NALF1: variants seen among roughly 807,000 people sequenced by gnomAD.
NALF1 encodes NALCN channel auxiliary factor 1, also known as family with sequence similarity 155 member A.
A neutral mutation model predicts 48.4 loss-of-function variants in NALF1; 3 were observed. That is an observed-to-expected ratio of 0.06 (90% confidence interval 0.03 to 0.16). The LOEUF (loss-of-function observed/expected upper bound fraction) is 0.16. Among genes scored for constraint, NALF1 ranks in the 10% least tolerant of loss-of-function variants. The pLI is 1.00. For synonymous variants in NALF1, 262 were observed against 245.7 expected (o/e 1.07, Z -0.62); for missense variants, 526 against 571.5 (o/e 0.92, Z 0.81).
chr13:107,200,879 C>T (rs1239158963), intron 2 of NALF1, among the ~76,000 whole-genome samples: 1 of 152,126 alleles, frequency 6.6e-6, no homozygotes, highest in Non-Finnish European at 1.5e-5. Context: ...GACTTTAGTG[C>T]GGCCACAGGA....
chr13:107,542,586 T>C (rs1248563601), intron 1 of NALF1, among the ~76,000 whole-genome samples: 1 of 152,134 alleles, frequency 6.6e-6, no homozygotes, highest in Non-Finnish European at 1.5e-5. Context: ...CAGACATCAA[T>C]ATCAGTATCT....
chr13:107,658,456 T>C (rs1880641720), intron 1 of NALF1, among the ~76,000 whole-genome samples: 1 of 152,058 alleles, frequency 6.6e-6, no homozygotes. Flanking sequence ...GTATCAATTA[T>C]CAACACTCTG....
chr13:107,671,144 A>C (rs1219334595), intron 1 of NALF1, among the ~76,000 whole-genome samples: 1 of 152,178 alleles, frequency 6.6e-6, no homozygotes, highest in Non-Finnish European at 1.5e-5. Flanking sequence ...ATTTAAAACA[A>C]TGAATAATAA....
chr13:107,419,834 T>C (rs1031580427), intron 1 of NALF1, among the ~76,000 whole-genome samples: 9 of 152,224 alleles, frequency 5.9e-5, no homozygotes, highest in Non-Finnish European at 8.8e-5. Context: ...GTTTTTGTTT[T>C]TATCTGCAAG....
chr13:107,204,441 G>A (rs1879592972), intron 2 of NALF1, among the ~76,000 whole-genome samples: 1 of 149,678 alleles, frequency 6.7e-6, no homozygotes, highest in South Asian at 2.1e-4. Flanking sequence ...CAGTGGGGGC[G>A]ATTTTCCAAA....
intron 1 of NALF1, among the ~76,000 whole-genome samples, chr13:107,554,081 G>T (rs755164173): frequency 6.6e-6 from 1 of 152,178 alleles, no homozygotes; most frequent in Non-Finnish European, 1.5e-5. Context: ...GTGAGCTCAT[G>T]CAGCTGTATG....
intron 1 of NALF1, among the ~76,000 whole-genome samples, chr13:107,579,504 A>G (rs1262872019): frequency 6.6e-6 from 1 of 152,176 alleles, no homozygotes; most frequent in East Asian, 1.9e-4. Flanking sequence ...CTCTGTTGTG[A>G]GAATCCAGGC....
intron 1 of NALF1, among the ~76,000 whole-genome samples, chr13:107,618,138 A>T (rs912893734): frequency 6.6e-6 from 1 of 152,198 alleles, no homozygotes; most frequent in East Asian, 1.9e-4. Context: ...AAAATAAAAT[A>T]AGGTCGAAAG....
intron 1 of NALF1, among the ~76,000 whole-genome samples, chr13:107,750,699 A>G (rs905260493): frequency 6.6e-6 from 1 of 152,356 alleles, no homozygotes; most frequent in Admixed American, 6.5e-5. Flanking sequence ...AGTGAAGAGT[A>G]GCAGATGCTA....
Position 107,470,361 on chromosome 13 carries a change from C to T in NALF1, c.916-259606G>A, listed in dbSNP as rs961219036. On this transcript the variant is annotated intron_variant, in intron 1 of 2. Coordinates refer to ENST00000375915, the MANE Select transcript of NALF1 (RefSeq NM_001080396.3). ...ACATTCTTTTATCTTTCAGGCAGAA[C>T]ATAAGTCTCATCTATGCATGCAGAT... is the stretch of plus-strand genomic sequence containing the variant. 5.3e-5 allele frequency among the ~76,000 whole-genome samples: 8 copies of T among 152,164 alleles called. No homozygotes were observed. In the East Asian group the frequency reaches 1.3e-3, roughly 26 times the overall value.
At chr13:107,413,230 T>C (rs1012279201) in intron 1 of NALF1, among the ~76,000 whole-genome samples, 21 of 152,208 alleles carry the variant, frequency 1.4e-4, no homozygotes, top group East Asian at 5.8e-4. Context: ...GTTTATGTAC[T>C]AATATAATAT....
chr13:107,334,322 G>T (rs149371620), intron 1 of NALF1, among the ~76,000 whole-genome samples: 1 of 152,280 alleles, frequency 6.6e-6, no homozygotes, highest in East Asian at 1.9e-4. Context: ...TGCTCTTTTA[G>T]TTGAGAACAT....
intron 1 of NALF1, among the ~76,000 whole-genome samples, chr13:107,597,271 T>TAC (rs151310142): frequency 6.6e-6 from 1 of 151,664 alleles, no homozygotes; most frequent in African/African-American, 2.4e-5. Context: ...ATAATGCACA[T>TAC]ACACACACAC....
chr13:107,510,134 T>C (rs1314102089), intron 1 of NALF1, among the ~76,000 whole-genome samples: 1 of 152,168 alleles, frequency 6.6e-6, no homozygotes, highest in Non-Finnish European at 1.5e-5. Flanking sequence ...ATTTTCCTTT[T>C]ATAAAATCCA....
At chr13:107,393,590 T>G (rs563199173) in intron 1 of NALF1, among the ~76,000 whole-genome samples, 4 of 152,156 alleles carry the variant, frequency 2.6e-5, no homozygotes, top group African/African-American at 9.6e-5. Context: ...GGCCCGCCCA[T>G]AGGTTTCTCC....
At chr13:107,210,849 A>C (rs887143138) in intron 1 of NALF1, 94 bp from the exon 2 acceptor site, 1 of 821,650 alleles carries the variant, frequency 1.2e-6, no homozygotes, top group South Asian at 1.6e-5. Flanking sequence ...CTGTGGTTTC[A>C]AGTGGATCCT....
chr13:107,461,354 C>T (rs1274191306), intron 1 of NALF1, among the ~76,000 whole-genome samples: 2 of 152,034 alleles, frequency 1.3e-5, no homozygotes, highest in African/African-American at 4.8e-5. Flanking sequence ...TGAATGAAAT[C>T]GTGCTATGAT....
At position 107,657,864 on chromosome 13, in the gene NALF1, T is replaced by C. The variant is rs1449174666; in HGVS notation, c.915+207818A>G. On this transcript the variant is annotated intron_variant, in intron 1 of 2. Coordinates refer to ENST00000375915, the MANE Select transcript of NALF1 (RefSeq NM_001080396.3). ...TGGTGCACGGTTCCGTCTGACACTT[T>C]AGACCTGCATGAATGTCATGATTTA... Among the ~76,000 whole-genome samples the C allele has an allele frequency of 2.6e-5, 4 of 152,212 alleles. No individual in the cohort carries two copies. The East Asian group carries it at 5.8e-4, about 22-fold the overall frequency.
At chr13:107,435,760 G>A (rs1884453876) in intron 1 of NALF1, among the ~76,000 whole-genome samples, 1 of 151,180 alleles carries the variant, frequency 6.6e-6, no homozygotes, top group African/African-American at 2.4e-5. Context: ...TAACAAAAGA[G>A]TGTGAGAAAG....
Sources: allele counts gnomAD v4.1 joint callset (sites outside exome capture counted in the v4.1 genomes callset), GRCh38; gene constraint gnomAD v4.1.1; transcripts MANE v1.5; gene names NCBI Gene and HGNC (gene_info 2026-07-23, HGNC 2026-07-21).